The following AATK variants were observed in gnomAD, a reference collection of about 807,000 sequenced individuals.
AATK encodes lemur tail kinase 1.
A neutral mutation model predicts 114.3 loss-of-function variants in AATK; 91 were observed. That is an observed-to-expected ratio of 0.80 (90% CI 0.67 to 0.95). AATK has a LOEUF of 0.95. Among genes scored for constraint, AATK ranks in the 40% least tolerant of loss-of-function variants. The probability of loss-of-function intolerance (pLI) is 0.00; values close to 1 mark genes in which losing one functional copy is unlikely to be tolerated. For missense variants in AATK, 2,176 were observed against 1,965.2 expected, an observed-to-expected ratio of 1.11 and a Z score of -2.03; for synonymous variants, 1,075 against 916.5, an observed-to-expected ratio of 1.17 and a Z score of -3.12.
At chr17:81,142,378 T>C (rs1254721308) in intron 1 of AATK, among the ~76,000 whole-genome samples, 1 of 151,798 alleles carries the variant, frequency 6.6e-6, no homozygotes, top group Non-Finnish European at 1.5e-5. Context: ...GCTCAAATAA[T>C]CCTCCCACCT....
chr17:81,143,430 C>A (rs2061166951), intron 1 of AATK, among the ~76,000 whole-genome samples: 1 of 151,948 alleles, frequency 6.6e-6, no homozygotes, highest in Non-Finnish European at 1.5e-5. Context: ...TCCCCTCAAC[C>A]CCATCCAGCT....
rs1167642045 is a variant in AATK at position 81,122,736 on chromosome 17, G to A, written c.1200C>T (p.Ala400=). ...CCTCCTCTGCTTCGGTGGCGCCCTTGGCACACAGGTAGGACAGCAGCAGGT... is the reference window on the plus strand; with the variant it reads ...CCTCCTCTGCTTCGGTGGCGCCCTTAGCACACAGGTAGGACAGCAGCAGGT... ...EVHLLLSYLC[A]KGATEAEEEF... The change falls in exon 11 of 14, where the codon GCC becomes GCT. Residue 400 remains alanine (A), a synonymous_variant. Transcript: ENST00000326724. 6 of 1,597,466 alleles carry A rather than the reference G, an allele frequency of 3.8e-6. No individual in the cohort carries two copies. The highest frequency in any genetic ancestry group is 2.3e-5 in the East Asian group (1 of 44,010).
intron 4 of AATK, among the ~76,000 whole-genome samples, 192 bp downstream of exon 4, chr17:81,128,278 A>AC (rs1012200372): frequency 2.0e-5 from 3 of 151,976 alleles, no homozygotes; most frequent in African/African-American, 7.2e-5. Context: ...GGTACCTCTG[A>AC]CCCCAGGACC....
chr17:81,148,823 C>T (rs138871793), intron 1 of AATK, among the ~76,000 whole-genome samples: 145 of 152,368 alleles, frequency 9.5e-4, no homozygotes, highest in African/African-American at 3.3e-3. Flanking sequence ...CACACTCACG[C>T]ACACACCCTT....
At chr17:81,154,319 C>CTTTTTTTTTTTTTTTTTTTTTTTT (rs202002919) in intron 1 of AATK, among the ~76,000 whole-genome samples, 1 of 113,806 alleles carries the variant, frequency 8.8e-6, no homozygotes, top group Admixed American at 9.8e-5. Context: ...TTTTTTCTTT[C>CTTTTTTTTTTTTTTTTTTTTTTTT]TTTTTTTTTT....
At chr17:81,134,640 C>T (rs2060983479) in intron 1 of AATK, 139 bp from the exon 2 acceptor site, 2 of 1,131,146 alleles carry the variant, frequency 1.8e-6, no homozygotes, top group Non-Finnish European at 2.5e-6. Flanking sequence ...CACCCCAGAC[C>T]CCACACCTCA....
intron 1 of AATK, among the ~76,000 whole-genome samples, chr17:81,159,590 C>T (rs1315556002): frequency 6.6e-6 from 1 of 152,198 alleles, no homozygotes; most frequent in Non-Finnish European, 1.5e-5. Context: ...GCAGAATCCG[C>T]AGGACCAAGT....
At position 81,122,238 on chromosome 17, in the gene AATK, G is replaced by GC; in HGVS notation, c.1697dup (p.Ser567GlnfsTer97). 6.7e-7 allele frequency: 1 copy of GC among 1,493,734 alleles called. No individual in the cohort carries two copies. Among genetic ancestry groups the GC allele is most frequent in the Non-Finnish European group, 8.9e-7 (1 of 1,124,098 alleles). 92.5% of individuals were successfully genotyped at this position (1,493,734 alleles called of 1,614,324 possible). ...CCATGGCCAGCGAGGCGGCGGTGCT[G>GC]CCGTCAGAGTCGTCGTCCTGGTCCG... On this transcript the variant is annotated frameshift_variant, in exon 11 of 14. Coordinates refer to ENST00000326724, the MANE Select transcript of AATK (RefSeq NM_001080395.3). LOFTEE classifies it high-confidence loss of function.
chr17:81,144,605 A>G (rs2061189749), intron 1 of AATK, among the ~76,000 whole-genome samples: 1 of 152,234 alleles, frequency 6.6e-6, no homozygotes, highest in Non-Finnish European at 1.5e-5. Context: ...ACCCCCGGCC[A>G]TTCACATTTC....
intron 1 of AATK, among the ~76,000 whole-genome samples, chr17:81,164,414 C>A (rs1051664082): frequency 3.3e-5 from 5 of 152,238 alleles, no homozygotes; most frequent in African/African-American, 1.2e-4. Flanking sequence ...CAGAGCCCAG[C>A]AGGTGCCTGC....
At chr17:81,156,098 G>GTATGTTACAATGTATGTTAC (rs1167564137) in intron 1 of AATK, among the ~76,000 whole-genome samples, 2 of 109,204 alleles carry the variant, frequency 1.8e-5, no homozygotes, top group Non-Finnish European at 3.5e-5. Context: ...ATGTTACAAT[G>GTATGTTACAATGTATGTTAC]TATGTTACAA....
chr17:81,129,838 C>T (rs2060902545), intron 3 of AATK, among the ~76,000 whole-genome samples: 1 of 152,222 alleles, frequency 6.6e-6, no homozygotes, highest in Non-Finnish European at 1.5e-5. Flanking sequence ...GCCTCACGCT[C>T]TGAGTGGGTG....
chr17:81,122,945 T>C, intron 10 of AATK, 122 bp from the exon 11 acceptor site: 1 of 1,028,502 alleles, frequency 9.7e-7, no homozygotes, highest in Non-Finnish European at 1.3e-6. Flanking sequence ...TATCTCCCAC[T>C]TAATTGACAC....
At chr17:81,146,897 T>C (rs1198766802) in intron 1 of AATK, among the ~76,000 whole-genome samples, 1 of 129,210 alleles carries the variant, frequency 7.7e-6, no homozygotes, top group Non-Finnish European at 1.7e-5. Flanking sequence ...GAACAGCCTG[T>C]GGACCTGCCT....
At chr17:81,154,078 AAAAAC>A (rs142504529) in intron 1 of AATK, among the ~76,000 whole-genome samples, 43,891 of 151,324 alleles carry the variant, frequency 0.29, 7,478 homozygotes, top group Admixed American at 0.4. Flanking sequence ...CTCCATCTCA[AAAAAC>A]AAAACAAAAC....
At chr17:81,160,048 C>A (rs1032240355) in intron 1 of AATK, among the ~76,000 whole-genome samples, 2 of 152,152 alleles carry the variant, frequency 1.3e-5, no homozygotes, top group Non-Finnish European at 2.9e-5. Flanking sequence ...AGCATCCTGC[C>A]CCTCACTCCC....
intron 1 of AATK, among the ~76,000 whole-genome samples, chr17:81,149,151 T>A (rs920055961): frequency 6.6e-6 from 1 of 152,098 alleles, no homozygotes; most frequent in Non-Finnish European, 1.5e-5. Flanking sequence ...TCCTCCAGCT[T>A]CTGGGCACCC....
In AATK at chr17:81,120,087, G is replaced by C; in HGVS notation, c.3736-4C>G. ...CGAGCTCCCGGGTGGGGCTTTCCTG[G>C]AGGAATCAGAGAGCACCAGGTAGCT... On this transcript the variant is annotated splice_polypyrimidine_tract_variant and splice_region_variant and intron_variant, in intron 11 of 13. Transcript: ENST00000326724. 7 of 1,463,180 alleles carry C rather than the reference G, an allele frequency of 4.8e-6. No homozygotes were observed. Among genetic ancestry groups the C allele is most frequent in the Non-Finnish European group, 6.3e-6 (7 of 1,105,272 alleles). 90.6% of individuals were successfully genotyped at this position (1,463,180 alleles called of 1,614,324 possible).
In AATK at chr17:81,118,120, A is replaced by G. The variant is rs1014903850; in HGVS notation, c.*282T>C. The G allele has an allele frequency of 6.5e-6, 3 of 459,498 alleles. No individual in the cohort carries two copies. Among genetic ancestry groups the G allele is most frequent in the East Asian group, 3.7e-5 (1 of 27,206 alleles). 28.5% of individuals were successfully genotyped at this position (459,498 alleles called of 1,614,324 possible). A position where few individuals can be genotyped will look rare whatever the true frequency, so the allele number is the denominator to read the frequency against. On this transcript the variant is annotated 3_prime_UTR_variant, in exon 14 of 14. Transcript: ENST00000326724. ...GGGCACTGGCCCCTTTTGAGTGTGT[A>G]TGTGTGTACAGACACCCACTGTGGC...
Sources: gnomAD v4.1 joint callset for allele counts (sites outside exome capture counted in the v4.1 genomes callset) on GRCh38, gnomAD v4.1.1 for gene constraint, MANE v1.5 for transcripts, NCBI Gene and HGNC (gene_info 2026-07-23, HGNC 2026-07-21) for gene names.